Variants in ELAPOR2 observed in about 807,000 individuals in gnomAD.
ELAPOR2 encodes endosome/lysosome-associated apoptosis and autophagy regulator family member 2.
ELAPOR2 carries 89 observed loss-of-function variants against 120.7 expected under a neutral mutation model. The ratio of observed to expected loss-of-function variants is 0.74; its 90% CI spans 0.62 to 0.88. The LOEUF is 0.88. Ranked by LOEUF, ELAPOR2 falls within the 40% of genes least tolerant of loss-of-function variation. ELAPOR2 has a pLI of 0.00. For missense variants in ELAPOR2, 1,134 were observed against 1,251.6 expected (o/e 0.91, Z 1.42); for synonymous variants, 444 against 444.9 (o/e 1.00, Z 0.03).
chr7:86,992,309 A>G (rs942508088), intron 1 of ELAPOR2, among the ~76,000 whole-genome samples: 1 of 152,202 alleles, frequency 6.6e-6, no homozygotes, highest in Admixed American at 6.5e-5. Context: ...ACATGCCTGT[A>G]GTTCCAGCTA....
intron 12 of ELAPOR2, 95 bp downstream of exon 12, chr7:86,918,347 A>AT: frequency 2.2e-6 from 1 of 455,360 alleles, no homozygotes; most frequent in Non-Finnish European, 3.9e-6. Flanking sequence ...AAAAAAAAAA[A>AT]GGAATTCTTA....
Position 86,981,187 on chromosome 7 carries a change from T to C in ELAPOR2, c.190-16163A>G, listed in dbSNP as rs113247088. Among the ~76,000 whole-genome samples the C allele has an allele frequency of 3.4e-3, 513 of 152,318 alleles. 7 individuals carry two copies. Among genetic ancestry groups the C allele is most frequent in the African/African-American group, 0.012 (496 of 41,570 alleles). ...CACTTCTGTTGTCGGTTCCCTTAAA[T>C]TGGTCCATACCTCCATAAAAAGTTT... On this transcript the variant is annotated intron_variant, in intron 1 of 21. Coordinates refer to ENST00000450689, the MANE Select transcript of ELAPOR2 (RefSeq NM_001142749.3).
At chr7:86,945,644 T>TA (rs1010589508) in intron 3 of ELAPOR2, among the ~76,000 whole-genome samples, 1 of 152,142 alleles carries the variant, frequency 6.6e-6, no homozygotes, top group African/African-American at 2.4e-5. Flanking sequence ...AGTATGAAGA[T>TA]AAGGGTATAG....
Position 86,955,592 on chromosome 7 carries a change from A to G in ELAPOR2, c.311-7670T>C, listed in dbSNP as rs554341526. Among the ~76,000 whole-genome samples, 12 of 152,258 alleles carry G rather than the reference A, an allele frequency of 7.9e-5. No homozygotes were observed. In the South Asian group the frequency reaches 2.3e-3, roughly 29 times the overall value. ...ATATTCATGAGCATTAAGAAGATATATTAGTATTGCACTATAATTCACAGG... is the reference window on the plus strand; with the variant it reads ...ATATTCATGAGCATTAAGAAGATATGTTAGTATTGCACTATAATTCACAGG... On this transcript the variant is annotated intron_variant, in intron 2 of 21. Coordinates refer to ENST00000450689, the MANE Select transcript of ELAPOR2 (RefSeq NM_001142749.3).
intron 1 of ELAPOR2, among the ~76,000 whole-genome samples, chr7:87,047,265 TATTGGTCTGGGCAAAA>T (rs1794981964): frequency 6.6e-6 from 1 of 152,204 alleles, no homozygotes; most frequent in South Asian, 2.1e-4. Flanking sequence ...ATCTCCAGGA[TATTGGTCTGGGCAAAA>T]ATTTCTTGAG....
intron 8 of ELAPOR2, among the ~76,000 whole-genome samples, chr7:86,936,670 G>A (rs948513300): frequency 3.9e-5 from 6 of 152,020 alleles, no homozygotes; most frequent in South Asian, 2.1e-4. Flanking sequence ...TGTGTACACC[G>A]CATGCCTGTG....
At position 86,898,559 on chromosome 7, in the gene ELAPOR2, CAAAAAA is replaced by C. The variant is rs11418158; in HGVS notation, c.2559-933_2559-928del. Among the ~76,000 whole-genome samples the C allele has an allele frequency of 8.2e-3, 549 of 66,612 alleles. 4 individuals are homozygous for C. The highest frequency in any genetic ancestry group is 0.026 in the African/African-American group (500 of 19,310). 43.7% of individuals were successfully genotyped at this position (66,612 alleles called of 152,430 possible). On this transcript the variant is annotated intron_variant, in intron 18 of 21. Transcript: ENST00000450689. Reference sequence around the variant, plus strand: ...TAATTTAAGAGAGAGACACAATGACCAAAAAAAAAAAAAAAAAAAAAGGCTCTGGAA... The same window carrying C: ...TAATTTAAGAGAGAGACACAATGACCAAAAAAAAAAAAAAAGGCTCTGGAA...
At chr7:86,984,903 T>G (rs1792658483) in intron 1 of ELAPOR2, among the ~76,000 whole-genome samples, 1 of 152,102 alleles carries the variant, frequency 6.6e-6, no homozygotes, top group South Asian at 2.1e-4. Flanking sequence ...TGGAGCTGGT[T>G]TTTTGAAAGA....
intron 19 of ELAPOR2, among the ~76,000 whole-genome samples, chr7:86,896,836 CATT>C (rs1179056634): frequency 6.6e-6 from 1 of 151,938 alleles, no homozygotes; most frequent in African/African-American, 2.4e-5. Context: ...TAAAAATATC[CATT>C]ATTTTTGGAT....
intron 8 of ELAPOR2, among the ~76,000 whole-genome samples, chr7:86,930,237 G>T (rs1790268144): frequency 6.6e-6 from 1 of 151,876 alleles, no homozygotes; most frequent in Non-Finnish European, 1.5e-5. Context: ...ATGAATGAAT[G>T]ATATGGTATG....
At chr7:86,881,754 T>TCA (rs1799417893) in intron 21 of ELAPOR2, among the ~76,000 whole-genome samples, 1 of 152,146 alleles carries the variant, frequency 6.6e-6, no homozygotes, top group African/African-American at 2.4e-5. Context: ...TGAAGGCTGC[T>TCA]GGAATGGGAT....
At chr7:86,903,365 T>G (rs565191069) in intron 18 of ELAPOR2, among the ~76,000 whole-genome samples, 2 of 152,308 alleles carry the variant, frequency 1.3e-5, no homozygotes, top group South Asian at 4.2e-4. Context: ...AGAACGTATT[T>G]GGTTTTGGTC....
intron 1 of ELAPOR2, among the ~76,000 whole-genome samples, chr7:87,022,428 G>A (rs1016754361): frequency 2.6e-5 from 4 of 152,018 alleles, no homozygotes; most frequent in Admixed American, 2.6e-4. Context: ...TTTTATGGCT[G>A]CATAGTATTC....
chr7:87,012,895 A>G (rs544792864), intron 1 of ELAPOR2, among the ~76,000 whole-genome samples: 77 of 152,338 alleles, frequency 5.1e-4, no homozygotes, highest in Non-Finnish European at 9.3e-4. Flanking sequence ...AAAATCCAAG[A>G]AATTTAATGA....
At position 86,936,496 on chromosome 7, in the gene ELAPOR2, T is replaced by C. The variant is rs188442656; in HGVS notation, c.1089+1630A>G. Reference sequence around the variant, plus strand: ...CATATATTATTTCACTAAGTCCCCATTGCTTTACTTCTGAAGCTAGAAACA... The same window carrying C: ...CATATATTATTTCACTAAGTCCCCACTGCTTTACTTCTGAAGCTAGAAACA... On this transcript the variant is annotated intron_variant, in intron 8 of 21. Coordinates refer to ENST00000450689, the MANE Select transcript of ELAPOR2 (RefSeq NM_001142749.3). Among the ~76,000 whole-genome samples the C allele has an allele frequency of 3.4e-3, 510 of 152,222 alleles. 1 individual carries two copies. The highest frequency in any genetic ancestry group is 0.012 in the African/African-American group (480 of 41,564).
chr7:87,013,395 T>C (rs921019710), intron 1 of ELAPOR2, among the ~76,000 whole-genome samples: 4 of 152,182 alleles, frequency 2.6e-5, no homozygotes, highest in African/African-American at 7.2e-5. Context: ...GTTTAACTCA[T>C]ATCAAAAAGC....
chr7:86,898,862 A>G (rs1215560361), intron 18 of ELAPOR2, among the ~76,000 whole-genome samples: 1 of 152,152 alleles, frequency 6.6e-6, no homozygotes, highest in Non-Finnish European at 1.5e-5. Flanking sequence ...TAGGCGAGGT[A>G]CTTTAGGGAA....
chr7:87,049,425 G>T (rs755747234), intron 1 of ELAPOR2, among the ~76,000 whole-genome samples: 12 of 152,082 alleles, frequency 7.9e-5, no homozygotes, highest in Non-Finnish European at 1.5e-4. Flanking sequence ...GGAACCACAG[G>T]CTCCCGCCAC....
At chr7:86,968,471 G>A (rs187779791) in intron 1 of ELAPOR2, among the ~76,000 whole-genome samples, 1 of 152,186 alleles carries the variant, frequency 6.6e-6, no homozygotes, top group African/African-American at 2.4e-5. Flanking sequence ...TGCAAAACTG[G>A]TAAATATCCA....
Sources: allele counts gnomAD v4.1 joint callset (sites outside exome capture counted in the v4.1 genomes callset), GRCh38; gene constraint gnomAD v4.1.1; transcripts MANE v1.5; gene names NCBI Gene and HGNC (gene_info 2026-07-23, HGNC 2026-07-21).